The following OXR1 variants were observed in gnomAD, a reference collection of about 807,000 sequenced individuals.
OXR1 encodes the protein oxidation resistance 1, also known as oxidation resistance protein 1.
In OXR1, 41 loss-of-function variants were observed where a neutral mutation model predicts 104.6. That is an observed-to-expected ratio of 0.39 (90% confidence interval 0.31 to 0.51). The LOEUF (loss-of-function observed/expected upper bound fraction) is 0.51. OXR1 is among the 20% of genes least tolerant of loss of function. The probability of loss-of-function intolerance (pLI) is 0.77; values close to 1 mark genes in which losing one functional copy is unlikely to be tolerated. For missense variants in OXR1, 955 were observed against 1,031.9 expected, an observed-to-expected ratio of 0.93 and a Z score of 1.02; for synonymous variants, 348 against 348.4, an observed-to-expected ratio of 1.00 and a Z score of 0.01.
At chr8:106,395,340 A>G (rs2130455811) in intron 2 of OXR1, among the ~76,000 whole-genome samples, 1 of 152,250 alleles carries the variant, frequency 6.6e-6, no homozygotes, top group Non-Finnish European at 1.5e-5. Context: ...TGAGACTGGG[A>G]AGAAAAAGAA....
intron 3 of OXR1, among the ~76,000 whole-genome samples, chr8:106,595,550 CAA>C (rs67790797): frequency 0.025 from 1,515 of 60,714 alleles, 23 homozygotes; most frequent in African/African-American, 0.075. Flanking sequence ...AACTCCGTCT[CAA>C]AAAAAAAAAA....
chr8:106,360,153 A>G (rs950502675), intron 2 of OXR1, among the ~76,000 whole-genome samples: 5 of 152,196 alleles, frequency 3.3e-5, no homozygotes, highest in African/African-American at 7.2e-5. Flanking sequence ...ATAATCTTTG[A>G]CTTTCAGTGC....
In OXR1 at chr8:106,292,923, G is replaced by T. The variant is rs116859354; in HGVS notation, c.-139+22556G>T. Reference sequence around the variant, plus strand: ...GGAAGCTTCGCCCTGGTTGCCAAGGGGGCAGGACTAGAGCAGGGTAAGAGC... The same window carrying T: ...GGAAGCTTCGCCCTGGTTGCCAAGGTGGCAGGACTAGAGCAGGGTAAGAGC... On this transcript the variant is annotated intron_variant, in intron 1 of 16. Transcript: ENST00000517566. Among the ~76,000 whole-genome samples the T allele has an allele frequency of 6.4e-3, 970 of 152,318 alleles. 7 individuals carry two copies. The highest frequency in any genetic ancestry group is 7.4e-3 in the Non-Finnish European group (505 of 68,026).
chr8:106,548,866 A>G (rs1206096250), intron 3 of OXR1, among the ~76,000 whole-genome samples: 1 of 152,244 alleles, frequency 6.6e-6, no homozygotes, highest in Admixed American at 6.5e-5. Flanking sequence ...TGAATATTAT[A>G]AAATGTGCCA....
intron 16 of OXR1, among the ~76,000 whole-genome samples, chr8:106,748,607 C>T (rs543192703): frequency 5.4e-4 from 73 of 136,186 alleles, no homozygotes; most frequent in African/African-American, 1.6e-3. Flanking sequence ...TCACTCTTGT[C>T]GCCCAGGCTG....
At chr8:106,277,042 G>A (rs1812076699) in intron 1 of OXR1, among the ~76,000 whole-genome samples, 1 of 151,968 alleles carries the variant, frequency 6.6e-6, no homozygotes, top group South Asian at 2.1e-4. Context: ...TTGCCATTAT[G>A]GTTTATTGAA....
intron 2 of OXR1, among the ~76,000 whole-genome samples, chr8:106,392,152 A>G (rs1817607659): frequency 6.6e-6 from 1 of 152,154 alleles, no homozygotes; most frequent in Non-Finnish European, 1.5e-5. Context: ...CAAATAACCC[A>G]ATGGATGTTC....
intron 6 of OXR1, among the ~76,000 whole-genome samples, chr8:106,691,595 T>A (rs189964959): frequency 2.5e-4 from 37 of 145,960 alleles, no homozygotes; most frequent in African/African-American, 9.3e-4. Context: ...AAGGAAAGCA[T>A]ATGACAATGT....
intron 1 of OXR1, among the ~76,000 whole-genome samples, chr8:106,352,233 A>G (rs1237333133): frequency 5.9e-5 from 9 of 152,348 alleles, no homozygotes; most frequent in Non-Finnish European, 2.9e-5. Context: ...AACCAGGCTT[A>G]GTGATTAACT....
chr8:106,649,685 T>C (rs907214348), intron 3 of OXR1, among the ~76,000 whole-genome samples: 1 of 151,820 alleles, frequency 6.6e-6, no homozygotes. Flanking sequence ...ATTCTAAATA[T>C]CTGTCAAAAA....
At chr8:106,581,280 T>A in intron 3 of OXR1, 1 of 1,267,286 alleles carries the variant, frequency 7.9e-7, no homozygotes, top group Non-Finnish European at 1.0e-6. Flanking sequence ...GCCTTTCTAT[T>A]TTTTTTTAAT....
At chr8:106,657,775 C>A in intron 3 of OXR1, 1 of 1,153,840 alleles carries the variant, frequency 8.7e-7, no homozygotes. Flanking sequence ...AAACTTTTGT[C>A]CGTCTTTTGC....
At chr8:106,539,899 G>A (rs1363349905) in intron 3 of OXR1, among the ~76,000 whole-genome samples, 4 of 152,164 alleles carry the variant, frequency 2.6e-5, no homozygotes, top group Non-Finnish European at 5.9e-5. Flanking sequence ...TGCTGAGTGA[G>A]ATCAACATAT....
At chr8:106,672,027 A>G (rs962627746) in intron 3 of OXR1, among the ~76,000 whole-genome samples, 5 of 149,676 alleles carry the variant, frequency 3.3e-5, no homozygotes, top group African/African-American at 1.2e-4. Flanking sequence ...GGAGTCAGTA[A>G]TTCAGACTTT....
At chr8:106,459,044 G>A (rs1820764344) in intron 2 of OXR1, among the ~76,000 whole-genome samples, 1 of 151,970 alleles carries the variant, frequency 6.6e-6, no homozygotes, top group African/African-American at 2.4e-5. Flanking sequence ...AAGACTTTTG[G>A]GACTGCTGGG....
At chr8:106,711,097 G>C (rs1008156665) in intron 10 of OXR1, among the ~76,000 whole-genome samples, 1 of 152,060 alleles carries the variant, frequency 6.6e-6, no homozygotes, top group South Asian at 2.1e-4. Context: ...CCTGAAGGCA[G>C]CTAATGGTGT....
Position 106,703,103 on chromosome 8 carries a change from T to C in OXR1, c.860+13T>C. 4 of 1,556,958 alleles carry C rather than the reference T, an allele frequency of 2.6e-6. No individual in the cohort carries two copies. The highest frequency in any genetic ancestry group is 3.5e-6 in the Non-Finnish European group (4 of 1,132,392). On this transcript the variant is annotated intron_variant, in intron 8 of 16. Transcript: ENST00000517566. ...AATCTTTACCCATGTAAGAGTGATA[T>C]TTATATTCCTTTGCAACTTTATTGT... is the stretch of plus-strand genomic sequence containing the variant.
intron 2 of OXR1, among the ~76,000 whole-genome samples, chr8:106,472,878 C>T (rs1351545900): frequency 6.6e-6 from 1 of 151,792 alleles, no homozygotes; most frequent in Non-Finnish European, 1.5e-5. Context: ...AGCTGTTCTT[C>T]TTAACCTTAT....
At chr8:106,610,161 A>G (rs999136898) in intron 3 of OXR1, among the ~76,000 whole-genome samples, 1 of 149,660 alleles carries the variant, frequency 6.7e-6, no homozygotes, top group African/African-American at 2.5e-5. Context: ...GTTCTTTGGC[A>G]CCAAACTAGA....
Sources: allele counts gnomAD v4.1 joint callset (sites outside exome capture counted in the v4.1 genomes callset), GRCh38; gene constraint gnomAD v4.1.1; transcripts MANE v1.5; gene names NCBI Gene and HGNC (gene_info 2026-07-23, HGNC 2026-07-21).